OCA2: variants seen among roughly 807,000 people sequenced by gnomAD.
OCA2 encodes P protein.
Under a neutral mutation model 100.2 loss-of-function variants are expected in OCA2, and 77 were observed. The ratio of observed to expected loss-of-function variants is 0.77; its 90% confidence interval spans 0.64 to 0.93. OCA2 has a LOEUF of 0.93. Among genes scored for constraint, OCA2 ranks in the 40% least tolerant of loss-of-function variants. OCA2 has a pLI of 0.00. For missense variants in OCA2, 1,062 were observed against 1,089.1 expected, an observed-to-expected ratio of 0.98 and a Z score of 0.35; for synonymous variants, 432 against 439.2, an observed-to-expected ratio of 0.98 and a Z score of 0.21.
intron 21 of OCA2, among the ~76,000 whole-genome samples, chr15:27,866,863 C>T (rs565907200): frequency 6.6e-6 from 1 of 152,324 alleles, no homozygotes; most frequent in Non-Finnish European, 1.5e-5. Flanking sequence ...CTAGAACAGG[C>T]ATGGGTTCCT....
At chr15:28,084,391 T>G (rs2044738011) in intron 1 of OCA2, among the ~76,000 whole-genome samples, 1 of 152,162 alleles carries the variant, frequency 6.6e-6, no homozygotes, top group Non-Finnish European at 1.5e-5. Context: ...CTCCAAGACC[T>G]CACTCCCCTC....
chr15:27,872,055 A>G (rs1047048701), intron 19 of OCA2, 133 bp from the exon 20 acceptor site: 4 of 699,850 alleles, frequency 5.7e-6, no homozygotes, highest in Non-Finnish European at 1.0e-5. Context: ...AAAAGATCAG[A>G]CTCAAATACA....
At chr15:28,078,355 T>C (rs1000475119) in intron 2 of OCA2, among the ~76,000 whole-genome samples, 3 of 152,338 alleles carry the variant, frequency 2.0e-5, no homozygotes, top group Admixed American at 2.0e-4. Context: ...GGCCTGCTGC[T>C]ACTCACAGCC....
At chr15:27,985,894 T>A (rs2041338848) in intron 12 of OCA2, among the ~76,000 whole-genome samples, 2 of 152,224 alleles carry the variant, frequency 1.3e-5, no homozygotes, top group Non-Finnish European at 2.9e-5. Flanking sequence ...GGTTTCACCA[T>A]GTTCACCAGG....
At chr15:27,990,511 T>C in intron 10 of OCA2, 65 bp downstream of exon 10, 2 of 1,506,858 alleles carry the variant, frequency 1.3e-6, no homozygotes, top group Non-Finnish European at 1.8e-6. Context: ...GCCTGAATCC[T>C]GGAACATCTT....
intron 23 of OCA2, among the ~76,000 whole-genome samples, chr15:27,824,621 T>TATATATATATATATATATATATATATAA: frequency 8.1e-6 from 1 of 124,152 alleles, no homozygotes; most frequent in East Asian, 2.8e-4. Context: ...TATATATATA[T>TATATATATATATATATATATATATATAA]AATATAATAT....
Position 28,018,417 on chromosome 15 carries a change from T to G in OCA2, c.787A>C (p.Arg263=). 3 of 1,614,130 alleles carry G rather than the reference T, an allele frequency of 1.9e-6. No individual in the cohort carries two copies. The highest frequency in any genetic ancestry group is 2.5e-6 in the Non-Finnish European group (3 of 1,180,018). Residue 263 remains arginine, a synonymous_variant, in exon 7 of 24, where the codon AGG becomes CGG. Coordinates refer to ENST00000354638, the MANE Select transcript of OCA2 (RefSeq NM_000275.3). ...ELTQADALGS[R]WRRPQQVTHN... ...ATAACCTGCTGTGGCCGCCGCCACC[T>G]GGAGCCCAAAGCGTCAGCCTGGGTC...
the OCA2 span, among the ~76,000 whole-genome samples, chr15:27,723,909 G>T: frequency 0.65 from 97,990 of 151,408 alleles, 31,864 homozygotes; most frequent in African/African-American, 0.67. Context: ...TCCCTTCTGC[G>T]TGCACAACCT....
intron 23 of OCA2, among the ~76,000 whole-genome samples, chr15:27,832,268 G>A (rs1035464667): frequency 6.6e-5 from 10 of 152,062 alleles, no homozygotes; most frequent in African/African-American, 2.4e-4. Context: ...CTGGCCCCAA[G>A]CCTCAGGCTC....
chr15:28,053,707 C>T (rs2043589346), intron 2 of OCA2, among the ~76,000 whole-genome samples: 1 of 152,210 alleles, frequency 6.6e-6, no homozygotes, highest in South Asian at 2.1e-4. Flanking sequence ...CTCAGAGGGC[C>T]TCCCAGCACA....
intron 19 of OCA2, among the ~76,000 whole-genome samples, chr15:27,909,496 A>C (rs2038303986): frequency 6.6e-6 from 1 of 152,216 alleles, no homozygotes; most frequent in Admixed American, 6.5e-5. Flanking sequence ...TAGCCCTACC[A>C]GACATTAAAA....
At chr15:27,831,750 C>T (rs1376678845) in intron 23 of OCA2, among the ~76,000 whole-genome samples, 1 of 152,176 alleles carries the variant, frequency 6.6e-6, no homozygotes, top group African/African-American at 2.4e-5. Context: ...GGAGAGAGCA[C>T]AGCCTGGCTC....
chr15:27,745,634 T>C, the OCA2 span, among the ~76,000 whole-genome samples: 1 of 152,228 alleles, frequency 6.6e-6, no homozygotes. Context: ...CTTTCTCTTG[T>C]GGGGGGAAAT....
chr15:27,719,418 A>G, the OCA2 span, among the ~76,000 whole-genome samples: 1 of 152,024 alleles, frequency 6.6e-6, no homozygotes, highest in Non-Finnish European at 1.5e-5. Flanking sequence ...AGCTCCAGAT[A>G]CCTAAATGCT....
At chr15:27,960,563 C>T (rs1266489523) in intron 15 of OCA2, among the ~76,000 whole-genome samples, 1 of 152,028 alleles carries the variant, frequency 6.6e-6, no homozygotes, top group African/African-American at 2.4e-5. Context: ...ATAAACCTGC[C>T]CCTGCTTAAT....
intron 23 of OCA2, among the ~76,000 whole-genome samples, chr15:27,786,351 A>C (rs2032815142): frequency 6.6e-6 from 1 of 152,082 alleles, no homozygotes; most frequent in Non-Finnish European, 1.5e-5. Context: ...AACTGCACTG[A>C]CTCTACAGCT....
intron 3 of OCA2, among the ~76,000 whole-genome samples, chr15:28,028,534 C>T (rs895079789): frequency 6.6e-6 from 1 of 152,034 alleles, no homozygotes; most frequent in Non-Finnish European, 1.5e-5. Context: ...ACAACATCCA[C>T]AGAAGCATGA....
intron 9 of OCA2, among the ~76,000 whole-genome samples, chr15:27,997,220 A>AG (rs1316306479): frequency 8.4e-5 from 11 of 130,184 alleles, no homozygotes; most frequent in African/African-American, 2.5e-4. Context: ...AGGAAAGGAA[A>AG]GAAAGAAAGG....
At chr15:27,986,447 C>T in intron 12 of OCA2, 140 bp downstream of exon 12, 1 of 666,772 alleles carries the variant, frequency 1.5e-6, no homozygotes, top group Non-Finnish European at 2.7e-6. Flanking sequence ...GTATACCCTG[C>T]CCTGCAGAAG....
Sources: gnomAD v4.1 joint callset for allele counts (sites outside exome capture counted in the v4.1 genomes callset) on GRCh38, gnomAD v4.1.1 for gene constraint, MANE v1.5 for transcripts, NCBI Gene and HGNC (gene_info 2026-07-23, HGNC 2026-07-21) for gene names.